Variants in APBB2 observed in about 807,000 individuals in gnomAD.
APBB2 encodes the protein Fe65-like 1.
APBB2 carries 38 observed loss-of-function variants against 82.5 expected under a neutral mutation model. That is an observed-to-expected ratio of 0.46 (90% CI 0.36 to 0.60). The LOEUF is 0.60. Among genes scored for constraint, APBB2 ranks in the 20% least tolerant of loss-of-function variants. APBB2 has a pLI of 0.00. For synonymous variants in APBB2, 341 were observed against 368.2 expected, an observed-to-expected ratio of 0.93 and a Z score of 0.85; for missense variants, 772 against 972.3, an observed-to-expected ratio of 0.79 and a Z score of 2.74.
At chr4:41,030,136 A>G (rs1579382487) in intron 5 of APBB2, among the ~76,000 whole-genome samples, 1 of 152,262 alleles carries the variant, frequency 6.6e-6, no homozygotes, top group South Asian at 2.1e-4. Flanking sequence ...AGCCTGGGCG[A>G]CAGAGCTAGA....
At chr4:41,183,887 G>A (rs1383580914) in intron 1 of APBB2, among the ~76,000 whole-genome samples, 1 of 152,004 alleles carries the variant, frequency 6.6e-6, no homozygotes, top group African/African-American at 2.4e-5. Context: ...CAGTTATTGT[G>A]CACTTTATTT....
intron 12 of APBB2, among the ~76,000 whole-genome samples, chr4:40,873,402 CTT>C (rs1383358717): frequency 2.0e-5 from 3 of 152,136 alleles, no homozygotes; most frequent in African/African-American, 7.2e-5. Context: ...CAGGTTTTAT[CTT>C]TCTTAATAAA....
intron 12 of APBB2, among the ~76,000 whole-genome samples, chr4:40,870,370 T>C (rs1431066316): frequency 1.3e-5 from 2 of 152,192 alleles, no homozygotes; most frequent in East Asian, 1.9e-4. Context: ...TCCCATTTAA[T>C]ATCTTACAAC....
intron 6 of APBB2, among the ~76,000 whole-genome samples, chr4:40,988,041 A>G (rs1198081114): frequency 6.6e-6 from 1 of 152,220 alleles, no homozygotes; most frequent in Non-Finnish European, 1.5e-5. Flanking sequence ...TACAAGCAGG[A>G]TTATTTTGTG....
intron 5 of APBB2, among the ~76,000 whole-genome samples, chr4:41,022,402 T>A (rs1316628966): frequency 1.3e-5 from 2 of 152,236 alleles, no homozygotes; most frequent in African/African-American, 4.8e-5. Context: ...GAGTTAATTA[T>A]TTCAGAGGCA....
At chr4:41,129,231 A>C (rs1430411375) in intron 2 of APBB2, among the ~76,000 whole-genome samples, 1 of 152,164 alleles carries the variant, frequency 6.6e-6, no homozygotes, top group East Asian at 1.9e-4. Context: ...ACAGGAGCTC[A>C]ATAAATTTGG....
At position 41,013,866 on chromosome 4, in the gene APBB2, C is replaced by T; in HGVS notation, c.552G>A (p.Gly184=). The change falls in exon 6 of 18, where the codon GGG becomes GGA. Residue 184 remains glycine, a synonymous_variant. Coordinates refer to ENST00000508593, the MANE Select transcript of APBB2 (RefSeq NM_004307.2). ...CTGGCTGGGATTTCTCTTCCGCAGT[C>T]CCATGGTGATTGCCTCGGTTCTGCT... ...ELEQNRGNHH[G]TAEEKSQPVQ... 5 of 1,614,130 alleles carry T rather than the reference C, an allele frequency of 3.1e-6. No homozygotes were observed. The highest frequency in any genetic ancestry group is 4.2e-6 in the Non-Finnish European group (5 of 1,180,016).
intron 10 of APBB2, among the ~76,000 whole-genome samples, chr4:40,919,149 C>T (rs924742713): frequency 2.6e-5 from 4 of 152,102 alleles, no homozygotes; most frequent in African/African-American, 7.2e-5. Flanking sequence ...CTGGCAAGTG[C>T]TTTACGTAAA....
chr4:41,169,013 C>T (rs1349240983), intron 1 of APBB2, among the ~76,000 whole-genome samples: 4 of 151,800 alleles, frequency 2.6e-5, no homozygotes, highest in African/African-American at 9.7e-5. Flanking sequence ...AGTGAGACCC[C>T]GTCTCTACCA....
At chr4:41,109,296 T>C (rs62413791) in intron 2 of APBB2, among the ~76,000 whole-genome samples, 2 of 119,542 alleles carry the variant, frequency 1.7e-5, no homozygotes, top group Non-Finnish European at 3.6e-5. Flanking sequence ...ATCACTATAA[T>C]TTTCTTTTTT....
chr4:41,041,595 T>C (rs76099508), intron 4 of APBB2, among the ~76,000 whole-genome samples: 5,220 of 152,322 alleles, frequency 0.034, 128 homozygotes, highest in Middle Eastern at 0.071. Flanking sequence ...TTACCACTTA[T>C]ATAGTCTAAA....
At chr4:41,000,261 CTAAA>C (rs139090995) in intron 6 of APBB2, among the ~76,000 whole-genome samples, 1 of 150,604 alleles carries the variant, frequency 6.6e-6, no homozygotes, top group African/African-American at 2.5e-5. Flanking sequence ...GACCCTGTCT[CTAAA>C]TAAATAAATA....
chr4:41,184,075 C>T (rs1020752951), intron 1 of APBB2, among the ~76,000 whole-genome samples: 2 of 151,942 alleles, frequency 1.3e-5, no homozygotes, highest in Non-Finnish European at 2.9e-5. Flanking sequence ...ACCTAGATCC[C>T]TCACATGTGC....
intron 1 of APBB2, among the ~76,000 whole-genome samples, chr4:41,172,975 A>T (rs1377175903): frequency 6.6e-6 from 1 of 152,222 alleles, no homozygotes; most frequent in Non-Finnish European, 1.5e-5. Context: ...TCTGAAATAA[A>T]TCTATACTCA....
chr4:41,128,185 A>G (rs376945707), intron 2 of APBB2, among the ~76,000 whole-genome samples: 2 of 152,214 alleles, frequency 1.3e-5, no homozygotes, highest in African/African-American at 4.8e-5. Flanking sequence ...ATCACTAATC[A>G]TCAGAGAAAT....
intron 12 of APBB2, among the ~76,000 whole-genome samples, chr4:40,846,039 T>G (rs928945006): frequency 4.0e-5 from 6 of 150,424 alleles, no homozygotes; most frequent in Non-Finnish European, 7.4e-5. Context: ...TGTGTGTGTG[T>G]GTGTGTGTCA....
chr4:41,048,546 A>C (rs925929697), intron 4 of APBB2, among the ~76,000 whole-genome samples: 7 of 152,166 alleles, frequency 4.6e-5, no homozygotes, highest in Non-Finnish European at 8.8e-5. Context: ...TAACTGCCAC[A>C]TATGTAGCAG....
intron 1 of APBB2, among the ~76,000 whole-genome samples, chr4:41,166,078 G>C (rs865809383): frequency 5.9e-5 from 9 of 151,570 alleles, no homozygotes; most frequent in South Asian, 2.1e-4. Context: ...GTTTCACCAT[G>C]TTAGCCAGGA....
intron 6 of APBB2, among the ~76,000 whole-genome samples, chr4:40,988,646 A>G (rs1356614797): frequency 1.1e-5 from 1 of 89,732 alleles, no homozygotes; most frequent in Admixed American, 1.4e-4. Flanking sequence ...TCAAAAAAAA[A>G]AAAAAAAAAG....
Sources: allele counts gnomAD v4.1 joint callset (sites outside exome capture counted in the v4.1 genomes callset), GRCh38; gene constraint gnomAD v4.1.1; transcripts MANE v1.5; gene names NCBI Gene and HGNC (gene_info 2026-07-23, HGNC 2026-07-21).